AFF3: variants seen among roughly 807,000 people sequenced by gnomAD.
The protein encoded by AFF3 is AF4/FMR2 family member 3.
AFF3 carries 32 observed loss-of-function variants against 129.7 expected under a neutral mutation model. The ratio of observed to expected loss-of-function variants is 0.25; its 90% CI spans 0.19 to 0.33. The LOEUF (loss-of-function observed/expected upper bound fraction) is 0.33. AFF3 is among the 10% of genes least tolerant of loss of function. The pLI is 1.00. For synonymous variants in AFF3, 644 were observed against 635.4 expected (o/e 1.01, Z -0.20); for missense variants, 1,373 against 1,592.0 (o/e 0.86, Z 2.34).
intron 7 of AFF3, among the ~76,000 whole-genome samples, chr2:99,942,059 T>C (rs1049168696): frequency 3.3e-5 from 5 of 152,188 alleles, no homozygotes; most frequent in East Asian, 1.9e-4. Context: ...CAATCAATCA[T>C]TGAAAGATTA....
intron 9 of AFF3, among the ~76,000 whole-genome samples, chr2:99,745,280 C>G (rs905883820): frequency 6.6e-6 from 1 of 152,006 alleles, no homozygotes; most frequent in Non-Finnish European, 1.5e-5. Flanking sequence ...AGACTGTTAC[C>G]ACATTTATGA....
At chr2:99,668,466 C>G (rs6712722) in intron 12 of AFF3, among the ~76,000 whole-genome samples, 99,093 of 151,530 alleles carry the variant, frequency 0.65, 33,115 homozygotes, top group African/African-American at 0.79. Context: ...CACCACACCC[C>G]GCCGGGAAAT....
At chr2:99,713,030 A>G (rs1354484978) in intron 11 of AFF3, among the ~76,000 whole-genome samples, 1 of 152,246 alleles carries the variant, frequency 6.6e-6, no homozygotes. Flanking sequence ...AGGTCCCCAG[A>G]GTAGTCAAAT....
At chr2:99,647,751 A>C (rs1684823506) in intron 13 of AFF3, among the ~76,000 whole-genome samples, 1 of 152,232 alleles carries the variant, frequency 6.6e-6, no homozygotes, top group Non-Finnish European at 1.5e-5. Flanking sequence ...CTTTGAAATG[A>C]CCAATTCTGA....
intron 16 of AFF3, among the ~76,000 whole-genome samples, chr2:99,586,743 A>G (rs1678159334): frequency 6.6e-6 from 1 of 152,156 alleles, no homozygotes; most frequent in South Asian, 2.1e-4. Context: ...TCTATATCCA[A>G]TTAATTGCTT....
At chr2:99,945,150 G>A (rs1445401969) in intron 7 of AFF3, among the ~76,000 whole-genome samples, 8 of 152,168 alleles carry the variant, frequency 5.3e-5, no homozygotes, top group Admixed American at 3.3e-4. Flanking sequence ...GATGCAAACC[G>A]AGCACACAGG....
intron 13 of AFF3, among the ~76,000 whole-genome samples, chr2:99,647,012 G>A (rs1056994647): frequency 6.6e-6 from 1 of 152,202 alleles, no homozygotes; most frequent in Non-Finnish European, 1.5e-5. Context: ...AGATGCTGGA[G>A]AGCCTGTGGA....
intron 8 of AFF3, among the ~76,000 whole-genome samples, chr2:99,753,420 C>T (rs1474427345): frequency 6.6e-6 from 1 of 152,096 alleles, no homozygotes. Flanking sequence ...TCTTGATTTG[C>T]CTGCACTTCC....
rs142036641 is a variant in AFF3, at chr2:99,968,789, G to T, written c.873+37843C>A. ...CCACAACAGCTTCCGGCTAGAAGGT[G>T]CATTGGCAACCTTCCTCCTGCCTTT... is the stretch of plus-strand genomic sequence containing the variant. On this transcript the variant is annotated intron_variant, in intron 7 of 24. Coordinates refer to ENST00000672756, the MANE Select transcript of AFF3 (RefSeq NM_001386135.1). 6.8e-4 allele frequency among the ~76,000 whole-genome samples: 104 copies of T among 152,288 alleles called. 1 individual carries two copies. The highest frequency in any genetic ancestry group is 1.4e-3 in the Non-Finnish European group (92 of 68,032).
chr2:100,039,313 CT>C (rs1402245733), intron 4 of AFF3, among the ~76,000 whole-genome samples: 2 of 152,148 alleles, frequency 1.3e-5, no homozygotes, highest in Non-Finnish European at 2.9e-5. Flanking sequence ...AGACTCAGGG[CT>C]TTAGGAGACC....
intron 11 of AFF3, among the ~76,000 whole-genome samples, chr2:99,712,892 T>G (rs1678024114): frequency 6.6e-6 from 1 of 152,214 alleles, no homozygotes. Flanking sequence ...TATAATGGAA[T>G]ATTACTCAGC....
At chr2:99,858,018 A>G (rs1193442872) in intron 7 of AFF3, among the ~76,000 whole-genome samples, 1 of 152,146 alleles carries the variant, frequency 6.6e-6, no homozygotes, top group African/African-American at 2.4e-5. Flanking sequence ...ACTTGCTTTG[A>G]CCAATGGGAT....
chr2:99,808,206 T>TC (rs1277610924), intron 8 of AFF3, among the ~76,000 whole-genome samples: 6 of 152,166 alleles, frequency 3.9e-5, no homozygotes, highest in Non-Finnish European at 7.4e-5. Flanking sequence ...CTCAAGGTTT[T>TC]CTCAAGTGAC....
chr2:99,864,989 A>G (rs774529927), intron 7 of AFF3, among the ~76,000 whole-genome samples: 4 of 152,230 alleles, frequency 2.6e-5, no homozygotes, highest in Non-Finnish European at 5.9e-5. Context: ...AGTGTCCCCT[A>G]TGAACTTCCT....
intron 12 of AFF3, among the ~76,000 whole-genome samples, chr2:99,668,411 C>CCACG (rs1686868600): frequency 6.6e-6 from 1 of 151,780 alleles, no homozygotes; most frequent in South Asian, 2.1e-4. Flanking sequence ...ACCTCATGAT[C>CCACG]TGCTCTCCTC....
chr2:99,679,834 T>A (rs1389461494), intron 11 of AFF3, among the ~76,000 whole-genome samples: 1 of 152,184 alleles, frequency 6.6e-6, no homozygotes, highest in Non-Finnish European at 1.5e-5. Context: ...CCACTATATA[T>A]CCTCTTATTG....
intron 7 of AFF3, among the ~76,000 whole-genome samples, chr2:99,946,382 G>A (rs1309369406): frequency 6.7e-6 from 1 of 148,262 alleles, no homozygotes; most frequent in Non-Finnish European, 1.5e-5. Context: ...GCTGAGGCAG[G>A]AGAATTGCTT....
At chr2:100,121,658 G>A (rs1358944905) in intron 2 of AFF3, among the ~76,000 whole-genome samples, 18 of 152,184 alleles carry the variant, frequency 1.2e-4, no homozygotes. Context: ...CATATGCAAA[G>A]GCACCTGGGG....
rs1295577834 is a variant in AFF3, at chr2:99,626,318, CTTCCTTCCTTCCTTCCCTCCTCTCTCT to C, written c.1184+23281_1184+23307del. Among the ~76,000 whole-genome samples, 8 of 61,256 alleles carry C rather than the reference CTTCCTTCCTTCCTTCCCTCCTCTCTCT, an allele frequency of 1.3e-4. No individual in the cohort carries two copies. In the East Asian group the frequency reaches 2.3e-3, roughly 17 times the overall value. The allele number at this position is 61,256 out of a possible 152,430, so 40.2% of individuals were successfully genotyped here. ...TCCTTTGGAAAGTCTGCCTCCCTCC[CTTCCTTCCTTCCTTCCCTCCTCTCTCT>C]TTCCTTCCTTCCTTCCTCTTTCCTC... On this transcript the variant is annotated intron_variant, in intron 13 of 24. Coordinates refer to ENST00000672756, the MANE Select transcript of AFF3 (RefSeq NM_001386135.1).
Sources: allele counts gnomAD v4.1 joint callset (sites outside exome capture counted in the v4.1 genomes callset), GRCh38; gene constraint gnomAD v4.1.1; transcripts MANE v1.5; gene names NCBI Gene and HGNC (gene_info 2026-07-23, HGNC 2026-07-21).